Variants in CTNNAL1 observed in about 807,000 individuals in gnomAD.
CTNNAL1 encodes the protein catenin alpha like 1.
In CTNNAL1, 69 loss-of-function variants were observed where a neutral mutation model predicts 93.6. That is an observed-to-expected ratio of 0.74 (90% CI 0.61 to 0.90). The LOEUF (loss-of-function observed/expected upper bound fraction) is 0.90. CTNNAL1 is among the 40% of genes least tolerant of loss of function. CTNNAL1 has a pLI of 0.00. For synonymous variants in CTNNAL1, 286 were observed against 305.4 expected (o/e 0.94, Z 0.66); for missense variants, 836 against 862.0 (o/e 0.97, Z 0.38).
rs770720782 is a variant in CTNNAL1 at position 109,013,462 on chromosome 9, A to G, written c.-20T>C. 54 of 1,368,308 alleles carry G rather than the reference A, an allele frequency of 3.9e-5. 1 individual carries two copies. The South Asian group carries it at 8.3e-4, about 21-fold the overall frequency. The allele number at this position is 1,368,308 out of a possible 1,614,324, so 84.8% of individuals were successfully genotyped here. A position where few individuals can be genotyped will look rare whatever the true frequency, so the allele number is the denominator to read the frequency against. On this transcript the variant is annotated 5_prime_UTR_variant, in exon 1 of 19. Coordinates refer to ENST00000325551, the MANE Select transcript of CTNNAL1 (RefSeq NM_003798.4). ...GGCCATGGCCCTCGGTCTATCCCGC[A>G]GCCGGGACTCCGCGCCGCGGCGAGC...
intron 1 of CTNNAL1, among the ~76,000 whole-genome samples, chr9:109,002,122 A>G (rs1221404726): frequency 6.6e-6 from 1 of 152,198 alleles, no homozygotes; most frequent in Non-Finnish European, 1.5e-5. Flanking sequence ...TAAACTGAGT[A>G]ATTTATAAAT....
chr9:108,983,244 C>A lies in CTNNAL1; in HGVS notation c.801G>T (p.Val267=). 2 of 1,596,832 alleles carry A rather than the reference C, an allele frequency of 1.3e-6. No individual in the cohort carries two copies. Among genetic ancestry groups the A allele is most frequent in the African/African-American group, 2.7e-5 (2 of 74,216 alleles). Reference sequence around the variant, plus strand: ...CAATTTCAATGACCTTATCCAATGCCACTTTCATACGGTCAAATACTCCTT... The same window carrying A: ...CAATTTCAATGACCTTATCCAATGCAACTTTCATACGGTCAAATACTCCTT... ...NKEGVFDRMK[V]ALDKVIEIVT... is the part of the protein sequence containing the mutation. The change falls in exon 6 of 19, where the codon GTG becomes GTT. Residue 267 remains valine (V), a synonymous_variant. Coordinates refer to ENST00000325551, the MANE Select transcript of CTNNAL1 (RefSeq NM_003798.4).
intron 12 of CTNNAL1, 91 bp downstream of exon 12, chr9:108,955,699 T>G: frequency 9.0e-7 from 1 of 1,107,590 alleles, no homozygotes; most frequent in Non-Finnish European, 1.3e-6. Context: ...TGTCAATTAT[T>G]TGTGGTAGAG....
At chr9:108,954,020 C>T (rs1830633305) in intron 12 of CTNNAL1, among the ~76,000 whole-genome samples, 1 of 152,108 alleles carries the variant, frequency 6.6e-6, no homozygotes, top group African/African-American at 2.4e-5. Flanking sequence ...GAATTTTATA[C>T]TTTATATTAT....
chr9:108,960,151 A>G (rs1830787735), intron 11 of CTNNAL1, among the ~76,000 whole-genome samples: 1 of 152,208 alleles, frequency 6.6e-6, no homozygotes, highest in South Asian at 2.1e-4. Context: ...ATCCCTGACC[A>G]CTAAAGCATA....
intron 2 of CTNNAL1, among the ~76,000 whole-genome samples, chr9:108,993,143 G>A (rs1388838843): frequency 6.6e-6 from 1 of 152,134 alleles, no homozygotes; most frequent in African/African-American, 2.4e-5. Flanking sequence ...GAAATCCCAT[G>A]AGTCAAAAAC....
At chr9:108,958,685 ATTATAGATGTTATTTCCCAATTTTT>A (rs1475951253) in intron 11 of CTNNAL1, among the ~76,000 whole-genome samples, 1 of 152,058 alleles carries the variant, frequency 6.6e-6, no homozygotes, top group Non-Finnish European at 1.5e-5. Context: ...ATTATAGTTA[ATTATAGATGTTATTTCCCAATTTTT>A]TTATAGATGT....
In CTNNAL1 at chr9:109,013,451, G is replaced by A. The variant is rs1827281607; in HGVS notation, c.-9C>T. Reference sequence around the variant, plus strand: ...CCGGGAGAGGCGGCCATGGCCCTCGGTCTATCCCGCAGCCGGGACTCCGCG... The same window carrying A: ...CCGGGAGAGGCGGCCATGGCCCTCGATCTATCCCGCAGCCGGGACTCCGCG... On this transcript the variant is annotated 5_prime_UTR_variant, in exon 1 of 19. Coordinates refer to ENST00000325551, the MANE Select transcript of CTNNAL1 (RefSeq NM_003798.4). The A allele has an allele frequency of 2.1e-6, 3 of 1,415,580 alleles. No individual in the cohort carries two copies. Among genetic ancestry groups the A allele is most frequent in the Non-Finnish European group, 2.8e-6 (3 of 1,080,404 alleles). The allele number at this position is 1,415,580 out of a possible 1,614,324, so 87.7% of individuals were successfully genotyped here. A position where few individuals can be genotyped will look rare whatever the true frequency, so the allele number is the denominator to read the frequency against.
chr9:109,013,238 CGGCGGCCGCCATCGCG>C, intron 1 of CTNNAL1, 48 bp downstream of exon 1: 1 of 1,403,172 alleles, frequency 7.1e-7, no homozygotes, highest in South Asian at 1.5e-5. Context: ...GTCGTGCGAG[CGGCGGCCGCCATCGCG>C]GGCCGCGGCG....
chr9:108,981,023 T>C (rs1396063404), intron 6 of CTNNAL1, among the ~76,000 whole-genome samples: 2 of 152,250 alleles, frequency 1.3e-5, no homozygotes, highest in African/African-American at 4.8e-5. Context: ...GAGATAATCA[T>C]GGACAGTGAG....
intron 1 of CTNNAL1, 104 bp from the exon 2 acceptor site, chr9:108,999,360 T>A (rs971656086): frequency 1.8e-5 from 19 of 1,078,818 alleles, no homozygotes; most frequent in Non-Finnish European, 2.1e-5. Context: ...TATAGCTCAA[T>A]AGACTAAATC....
At chr9:108,949,619 A>C (rs1159710546) in intron 14 of CTNNAL1, among the ~76,000 whole-genome samples, 2 of 152,074 alleles carry the variant, frequency 1.3e-5, no homozygotes. Context: ...TGAGGCGGGC[A>C]GATCACTTGA....
chr9:108,993,358 C>T (rs940545176), intron 2 of CTNNAL1, among the ~76,000 whole-genome samples: 1 of 152,034 alleles, frequency 6.6e-6, no homozygotes, highest in Non-Finnish European at 1.5e-5. Context: ...AATGGGGGCC[C>T]GGAAAGAACT....
chr9:108,988,621 G>A (rs147844295), intron 4 of CTNNAL1, among the ~76,000 whole-genome samples: 1 of 152,298 alleles, frequency 6.6e-6, no homozygotes, highest in East Asian at 1.9e-4. Flanking sequence ...AGTTTGGCCT[G>A]CCCACTACCT....
intron 1 of CTNNAL1, among the ~76,000 whole-genome samples, chr9:108,999,672 G>A (rs1006247821): frequency 2.6e-5 from 4 of 152,260 alleles, no homozygotes; most frequent in East Asian, 1.9e-4. Context: ...ATTCCACTCC[G>A]TTGCCTACCA....
At chr9:108,996,870 T>A (rs1832041041) in intron 2 of CTNNAL1, among the ~76,000 whole-genome samples, 2 of 152,214 alleles carry the variant, frequency 1.3e-5, no homozygotes, top group Admixed American at 1.3e-4. Flanking sequence ...GTCTCTCCTC[T>A]TACAAGCTGG....
At chr9:108,966,299 G>C (rs1398581915) in intron 10 of CTNNAL1, among the ~76,000 whole-genome samples, 1 of 152,196 alleles carries the variant, frequency 6.6e-6, no homozygotes, top group Non-Finnish European at 1.5e-5. Flanking sequence ...CTAAATAAAT[G>C]TGTTGAATAA....
intron 2 of CTNNAL1, among the ~76,000 whole-genome samples, chr9:108,996,247 C>T (rs1168213417): frequency 1.3e-5 from 2 of 152,112 alleles, no homozygotes; most frequent in African/African-American, 2.4e-5. Context: ...CAGGTGTGAG[C>T]AACTGCACCC....
intron 1 of CTNNAL1, among the ~76,000 whole-genome samples, 175 bp from the exon 2 acceptor site, chr9:108,999,431 C>A (rs1296308066): frequency 2.6e-5 from 4 of 152,154 alleles, no homozygotes; most frequent in African/African-American, 9.7e-5. Flanking sequence ...TTCCTTAAGA[C>A]AATGTTTCCA....
Sources: gnomAD v4.1 joint callset for allele counts (sites outside exome capture counted in the v4.1 genomes callset) on GRCh38, gnomAD v4.1.1 for gene constraint, MANE v1.5 for transcripts, NCBI Gene and HGNC (gene_info 2026-07-23, HGNC 2026-07-21) for gene names.